Variants in REST observed in about 807,000 individuals in gnomAD.
The protein encoded by REST is RE1 silencing transcription factor.
REST carries 1 observed loss-of-function variant against 30.4 expected under a neutral mutation model. The observed-to-expected ratio is 0.03, with a 90% CI of 0.01 to 0.16. The LOEUF (loss-of-function observed/expected upper bound fraction) is 0.16, where lower values mean the gene tolerates loss of function less well. REST is among the 10% of genes least tolerant of loss of function. The pLI is 1.00. For synonymous variants in REST, 504 were observed against 451.1 expected (o/e 1.12, Z -1.49); for missense variants, 1,259 against 1,329.5 (o/e 0.95, Z 0.82).
At chr4:56,923,125 G>T (rs1720527975) in intron 3 of REST, among the ~76,000 whole-genome samples, 1 of 152,128 alleles carries the variant, frequency 6.6e-6, no homozygotes, top group Non-Finnish European at 1.5e-5. Context: ...GTATTTTAAT[G>T]GTGTCTTAAA....
At position 56,929,828 on chromosome 4, in the gene REST, G is replaced by A. The variant is rs941594001; in HGVS notation, c.983-13G>A. 4.4e-6 allele frequency: 7 copies of A among 1,574,800 alleles called. No homozygotes were observed. The highest frequency in any genetic ancestry group is 3.9e-5 in the Admixed American group (2 of 51,372). ...AATCTATGTCTTCTCTCATACTTTTGATTTGCCTTCAGGTGAGAAGCCATT... is the reference window on the plus strand; with the variant it reads ...AATCTATGTCTTCTCTCATACTTTTAATTTGCCTTCAGGTGAGAAGCCATT... On this transcript the variant is annotated splice_polypyrimidine_tract_variant and intron_variant, in intron 3 of 3. Coordinates refer to ENST00000309042, the MANE Select transcript of REST (RefSeq NM_005612.5).
Position 56,930,501 on chromosome 4 carries a change from A to G in REST, c.1643A>G (p.Glu548Gly). 6.2e-7 allele frequency: 1 copy of G among 1,611,560 alleles called. No homozygotes were observed. Among genetic ancestry groups the G allele is most frequent in the Non-Finnish European group, 8.5e-7 (1 of 1,179,452 alleles). ...ESSTKKKKKV[E>G]SKSKNNSQEV... ...TCAACAAAAAAGAAAAAGAAGGTAG[A>G]AAGCAAATCCAAAAATAATAGTCAG... Residue 548 changes from glutamate (E) to glycine (G), a missense_variant, in exon 4 of 4, where the codon GAA (glutamate) becomes GGA (glycine). Glu to Gly is a moderately conservative substitution (Grantham distance 98). Transcript: ENST00000309042.
Position 56,934,796 on chromosome 4 carries a change from T to A in REST, c.*2644T>A, listed in dbSNP as rs1721092022. On this transcript the variant is annotated 3_prime_UTR_variant, in exon 4 of 4. Transcript: ENST00000309042. ...ATTGAACATGTTATTTGTAAATTGA[T>A]GTTTAGTAATTAGTGATAAACTTGA... 2.0e-5 allele frequency: 3 copies of A among 152,238 alleles called. No individual in the cohort carries two copies. The highest frequency in any genetic ancestry group is 4.4e-5 in the Non-Finnish European group (3 of 68,024). 9.4% of individuals were successfully genotyped at this position (152,238 alleles called of 1,614,324 possible).
At position 56,933,084 on chromosome 4, in the gene REST, A is replaced by T. The variant is rs1578518880; in HGVS notation, c.*932A>T. The T allele has an allele frequency of 6.6e-6, 1 of 152,226 alleles. No individual in the cohort carries two copies. Among genetic ancestry groups the T allele is most frequent in the African/African-American group, 2.4e-5 (1 of 41,460 alleles). 9.4% of individuals were successfully genotyped at this position (152,226 alleles called of 1,614,324 possible). On this transcript the variant is annotated 3_prime_UTR_variant, in exon 4 of 4. Transcript: ENST00000309042. The stretch of plus-strand genomic sequence containing the variant: ...ATATCTATGCCAGAATCTGTATTTC[A>T]TATAACTTATTTATTTCGAATGGAT...
At chr4:56,916,592 G>A (rs1302698607) in intron 2 of REST, among the ~76,000 whole-genome samples, 7 of 152,088 alleles carry the variant, frequency 4.6e-5, no homozygotes, top group South Asian at 4.1e-4. Flanking sequence ...AGCCAAAATC[G>A]CGCCACTGCA....
chr4:56,931,512 C>T lies in REST; in HGVS notation c.2654C>T (p.Thr885Ile), dbSNP rs756127300. 1.9e-6 allele frequency: 3 copies of T among 1,614,136 alleles called. No homozygotes were observed. The highest frequency in any genetic ancestry group is 1.3e-5 in the African/African-American group (1 of 75,020). ...TCAGGAGACCAAAAATTACTCAACA[C>T]AGGTGAAGGAAATAAAGAAGCCCCT... ...EASGDQKLLN[T>I]GEGNKEAPLQ... Residue 885 changes from threonine to isoleucine, a missense_variant, in exon 4 of 4, where the codon ACA (threonine) becomes ATA (isoleucine). By Grantham distance (89) the Thr-to-Ile change is moderately conservative. Around this residue, in one of 5 missense-constraint regions of REST, gnomAD observed 856 missense variants for 772.8 expected, o/e 1.11. Coordinates refer to ENST00000309042, the MANE Select transcript of REST (RefSeq NM_005612.5).
At chr4:56,920,519 T>C (rs1197734554) in intron 3 of REST, among the ~76,000 whole-genome samples, 1 of 151,898 alleles carries the variant, frequency 6.6e-6, no homozygotes, top group Non-Finnish European at 1.5e-5. Context: ...CCCAGCACTT[T>C]GGGAGGCCAA....
chr4:56,932,277 A>G lies in REST; in HGVS notation c.*125A>G. The G allele has an allele frequency of 9.2e-7, 1 of 1,088,364 alleles. No individual in the cohort carries two copies. Among genetic ancestry groups the G allele is most frequent in the Non-Finnish European group, 1.3e-6 (1 of 773,882 alleles). The allele number at this position is 1,088,364 out of a possible 1,614,324, so 67.4% of individuals were successfully genotyped here. A position where few individuals can be genotyped will look rare whatever the true frequency, so the allele number is the denominator to read the frequency against. Reference sequence around the variant, plus strand: ...TATCTGATGTTGATTTTTAAGTGGCATTCTTTTCCTTAGGACTTTTTATGT... The same window carrying G: ...TATCTGATGTTGATTTTTAAGTGGCGTTCTTTTCCTTAGGACTTTTTATGT... On this transcript the variant is annotated 3_prime_UTR_variant, in exon 4 of 4. Coordinates refer to ENST00000309042, the MANE Select transcript of REST (RefSeq NM_005612.5).
chr4:56,916,833 G>A (rs1166362280), intron 2 of REST, among the ~76,000 whole-genome samples: 1 of 152,180 alleles, frequency 6.6e-6, no homozygotes, highest in African/African-American at 2.4e-5. Flanking sequence ...GAATATTCAT[G>A]TTTAAGTTTT....
intron 3 of REST, 80 bp from the exon 4 acceptor site, chr4:56,929,759 CTT>C: frequency 8.0e-7 from 1 of 1,250,182 alleles, no homozygotes. Context: ...TTTGTTGTTA[CTT>C]TACATATACA....
intron 3 of REST, among the ~76,000 whole-genome samples, chr4:56,921,934 T>C (rs2109551546): frequency 6.6e-6 from 1 of 152,372 alleles, no homozygotes; most frequent in East Asian, 1.9e-4. Context: ...ATTATATTTC[T>C]ACTGGACATT....
chr4:56,930,696 T>A lies in REST; in HGVS notation c.1838T>A (p.Met613Lys), dbSNP rs771450067. The A allele has an allele frequency of 3.7e-6, 6 of 1,611,308 alleles. No homozygotes were observed. The Admixed American group carries it at 1.0e-4, about 27-fold the overall frequency. Reference sequence around the variant, plus strand: ...TCTGCTCAGATGGACCCTCCTCAGATGGGGCCTGCTCCCACAGAGGCGGTT... The same window carrying A: ...TCTGCTCAGATGGACCCTCCTCAGAAGGGGCCTGCTCCCACAGAGGCGGTT... ...KGSAQMDPPQ[M>K]GPAPTEAVQK... Residue 613 changes from methionine to lysine, a missense_variant, in exon 4 of 4, where the codon ATG becomes AAG. Met to Lys is a moderately conservative substitution (Grantham distance 95). Transcript: ENST00000309042.
rs1188671166 is a variant in REST, at chr4:56,935,232, A to G, written c.*3080A>G. 2.6e-5 allele frequency: 4 copies of G among 152,192 alleles called. No homozygotes were observed. Among genetic ancestry groups the G allele is most frequent in the Admixed American group, 2.0e-4 (3 of 15,274 alleles). The allele number at this position is 152,192 out of a possible 1,614,324, so 9.4% of individuals were successfully genotyped here. On this transcript the variant is annotated 3_prime_UTR_variant, in exon 4 of 4. Transcript: ENST00000309042. ...ATGGAAGGAATACCTTGCCTGTAGTATACTGTCACTTCTGGATTGATAAGC... is the reference window on the plus strand; with the variant it reads ...ATGGAAGGAATACCTTGCCTGTAGTGTACTGTCACTTCTGGATTGATAAGC...
At chr4:56,923,178 A>G (rs1375596292) in intron 3 of REST, among the ~76,000 whole-genome samples, 1 of 152,234 alleles carries the variant, frequency 6.6e-6, no homozygotes, top group Non-Finnish European at 1.5e-5. Flanking sequence ...GCTGAATAGT[A>G]AAAACAAGTA....
At chr4:56,922,848 T>G (rs955071151) in intron 3 of REST, among the ~76,000 whole-genome samples, 2 of 152,252 alleles carry the variant, frequency 1.3e-5, no homozygotes, top group African/African-American at 4.8e-5. Context: ...CTTGATAATC[T>G]TTCTCGCAAA....
At chr4:56,924,565 C>T (rs1184932150) in intron 3 of REST, among the ~76,000 whole-genome samples, 1 of 151,836 alleles carries the variant, frequency 6.6e-6, no homozygotes, top group Non-Finnish European at 1.5e-5. Flanking sequence ...TCAGGCAGTC[C>T]TGCCACCTTA....
chr4:56,924,555 T>C (rs1302533996), intron 3 of REST, among the ~76,000 whole-genome samples: 1 of 151,906 alleles, frequency 6.6e-6, no homozygotes, highest in Non-Finnish European at 1.5e-5. Context: ...CCTCTTGGGC[T>C]CAGGCAGTCC....
chr4:56,911,003 A>T lies in REST; in HGVS notation c.365A>T (p.Gln122Leu). The T allele has an allele frequency of 6.2e-7, 1 of 1,614,218 alleles. No individual in the cohort carries two copies. Among genetic ancestry groups the T allele is most frequent in the African/African-American group, 1.3e-5 (1 of 75,062 alleles). The change falls in exon 2 of 4, where the codon CAG (glutamine) becomes CTG (leucine). Residue 122 changes from glutamine (Q) to leucine (L), a missense_variant. Around this residue, in one of 5 missense-constraint regions of REST, gnomAD observed 249 missense variants for 251.5 expected, o/e 0.99. Transcript: ENST00000309042. ...RSLELSVVEPQPVFEASGAPD... is the reference protein window; with the variant it reads ...RSLELSVVEPLPVFEASGAPD... The stretch of plus-strand genomic sequence containing the variant: ...TTGGAACTCAGCGTCGTAGAACCTC[A>T]GCCTGTATTTGAGGCATCAGGTGCT...
chr4:56,928,956 T>C (rs1384839447), intron 3 of REST, among the ~76,000 whole-genome samples: 2 of 151,868 alleles, frequency 1.3e-5, no homozygotes, highest in East Asian at 3.9e-4. Context: ...TGGAGTTCAG[T>C]AGCACATTCA....
Sources: allele counts gnomAD v4.1 joint callset (sites outside exome capture counted in the v4.1 genomes callset), GRCh38; gene constraint gnomAD v4.1.1; regional missense constraint gnomAD v4.1.1; transcripts MANE v1.5; gene names NCBI Gene and HGNC (gene_info 2026-07-23, HGNC 2026-07-21).